ZNF423: variants seen among roughly 807,000 people sequenced by gnomAD.
ZNF423 encodes the protein zinc finger protein 423, also known as Ebf-associated zinc finger protein.
ZNF423 carries 12 observed loss-of-function variants against 95.8 expected under a neutral mutation model. The ratio of observed to expected loss-of-function variants is 0.13; its 90% CI spans 0.08 to 0.20. The LOEUF (loss-of-function observed/expected upper bound fraction) is 0.20, where lower values mean the gene tolerates loss of function less well. ZNF423 is among the 10% of genes least tolerant of loss of function. ZNF423 has a pLI of 1.00. For synonymous variants in ZNF423, 749 were observed against 711.9 expected (o/e 1.05, Z -0.83); for missense variants, 1,316 against 1,737.1 (o/e 0.76, Z 4.31).
At chr16:49,703,065 C>T (rs530153566) in intron 3 of ZNF423, among the ~76,000 whole-genome samples, 6 of 152,324 alleles carry the variant, frequency 3.9e-5, no homozygotes, top group South Asian at 2.1e-4. Context: ...CCAACACAGG[C>T]GCGCAGGCAT....
intron 6 of ZNF423, among the ~76,000 whole-genome samples, chr16:49,524,603 G>C (rs946349970): frequency 3.3e-5 from 5 of 152,342 alleles, no homozygotes; most frequent in African/African-American, 1.2e-4. Context: ...AGTGGCAGGA[G>C]TTCTGAGGTG....
chr16:49,630,794 C>G (rs374467311), intron 4 of ZNF423, among the ~76,000 whole-genome samples: 2 of 152,124 alleles, frequency 1.3e-5, no homozygotes, highest in African/African-American at 4.8e-5. Context: ...GCCTCTCTGC[C>G]ACCCCTTGGT....
intron 5 of ZNF423, among the ~76,000 whole-genome samples, chr16:49,530,320 C>T (rs574278928): frequency 3.3e-5 from 5 of 152,144 alleles, no homozygotes; most frequent in Non-Finnish European, 5.9e-5. Flanking sequence ...ACTCGAGACC[C>T]CCATCTAACA....
chr16:49,504,128 A>G (rs186243040), intron 7 of ZNF423, among the ~76,000 whole-genome samples: 1 of 152,324 alleles, frequency 6.6e-6, no homozygotes, highest in African/African-American at 2.4e-5. Flanking sequence ...GTTTAACAGG[A>G]ACAGAGTTTC....
At chr16:49,836,700 C>G (rs533832821) in intron 1 of ZNF423, among the ~76,000 whole-genome samples, 1 of 152,092 alleles carries the variant, frequency 6.6e-6, no homozygotes, top group Non-Finnish European at 1.5e-5. Flanking sequence ...GAGCCCTGGA[C>G]GCACAATAAC....
rs1966877665 is a variant in ZNF423 at position 49,488,608 on chromosome 16, G to A, written c.*2667C>T. 1 of 152,194 alleles carries A rather than the reference G, an allele frequency of 6.6e-6. No homozygotes were observed. The highest frequency in any genetic ancestry group is 2.4e-5 in the African/African-American group (1 of 41,434). 9.4% of individuals were successfully genotyped at this position (152,194 alleles called of 1,614,324 possible). ...ATCATTGATGACCATGCTGCTTACA[G>A]GTCTCTGTGTGCAGCCCTTTGTCAG... On this transcript the variant is annotated 3_prime_UTR_variant, in exon 8 of 8. Transcript: ENST00000563137.
At position 49,646,574 on chromosome 16, in the gene ZNF423, C is replaced by CTTTTT. The variant is rs71380366; in HGVS notation, c.302-7705_302-7701dup. Among the ~76,000 whole-genome samples, 13 of 118,010 alleles carry CTTTTT rather than the reference C, an allele frequency of 1.1e-4. 1 individual carries two copies. In the South Asian group the frequency reaches 1.1e-3, roughly 10 times the overall value. The allele number at this position is 118,010 out of a possible 152,430, so 77.4% of individuals were successfully genotyped here. ...TTATGGCACATTTTCTTTTCTTTTT[C>CTTTTT]TTTTTTTTTTTTTTGAGAAGGAGTC... On this transcript the variant is annotated intron_variant, in intron 3 of 7. Transcript: ENST00000563137.
At chr16:49,620,386 A>G (rs1207750001) in intron 5 of ZNF423, among the ~76,000 whole-genome samples, 1 of 152,142 alleles carries the variant, frequency 6.6e-6, no homozygotes, top group Non-Finnish European at 1.5e-5. Context: ...GGCAGGAGGC[A>G]GGAGGGGTTG....
At chr16:49,820,050 A>G (rs2034916690) in intron 1 of ZNF423, among the ~76,000 whole-genome samples, 1 of 151,898 alleles carries the variant, frequency 6.6e-6, no homozygotes, top group Admixed American at 6.6e-5. Context: ...GGATGGATGG[A>G]TGGATGGATG....
rs75121420 is a variant in ZNF423, at chr16:49,787,988, T to C, written c.100+1499A>G. Among the ~76,000 whole-genome samples the C allele has an allele frequency of 2.0e-3, 305 of 152,284 alleles. 2 individuals carry two copies. The highest frequency in any genetic ancestry group is 7.0e-3 in the African/African-American group (290 of 41,568). On this transcript the variant is annotated intron_variant, in intron 2 of 7. Transcript: ENST00000563137. ...ATGGCCTTGCTGTTTCCGCCAACCATGGGGAACGCACTCCCCGCACAGAAG... is the reference window on the plus strand; with the variant it reads ...ATGGCCTTGCTGTTTCCGCCAACCACGGGGAACGCACTCCCCGCACAGAAG...
chr16:49,723,877 A>G (rs1270628091), intron 3 of ZNF423, among the ~76,000 whole-genome samples: 1 of 152,054 alleles, frequency 6.6e-6, no homozygotes, highest in Non-Finnish European at 1.5e-5. Flanking sequence ...TTCCAGTTGT[A>G]TTTGGGTCCA....
chr16:49,844,776 G>T (rs532453514), intron 1 of ZNF423, among the ~76,000 whole-genome samples: 30 of 152,114 alleles, frequency 2.0e-4, no homozygotes, highest in Non-Finnish European at 3.4e-4. Flanking sequence ...TGTGGCTCAC[G>T]CCTGTAATCC....
intron 2 of ZNF423, among the ~76,000 whole-genome samples, chr16:49,783,773 C>A (rs2034260423): frequency 6.6e-6 from 1 of 151,898 alleles, no homozygotes; most frequent in African/African-American, 2.4e-5. Context: ...AGATCGAGAT[C>A]ATCCTGGCCA....
chr16:49,600,829 T>A (rs1567495643), intron 5 of ZNF423, among the ~76,000 whole-genome samples: 1 of 152,092 alleles, frequency 6.6e-6, no homozygotes, highest in Non-Finnish European at 1.5e-5. Flanking sequence ...GACTACCACA[T>A]TGCCGAAATA....
chr16:49,635,720 A>C lies in ZNF423; in HGVS notation c.3456T>G (p.Arg1152=). ...GCCCACTGGTCTCCGGCGTGAGGTC[A>C]CGGTGGTCCACCTGCATGTGGCTCT... ...DLESHMQVDH[R]DLTPETSGPR... Residue 1152 remains arginine (R), a synonymous_variant, in exon 4 of 8, where the codon CGT becomes CGG. Transcript: ENST00000563137. The surrounding 1 kb of genome is among the most constrained non-coding windows in gnomAD (Gnocchi z 4.8). 1 of 1,609,436 alleles carries C rather than the reference A, an allele frequency of 6.2e-7. No individual in the cohort carries two copies. The highest frequency in any genetic ancestry group is 8.5e-7 in the Non-Finnish European group (1 of 1,178,572).
intron 5 of ZNF423, among the ~76,000 whole-genome samples, chr16:49,550,679 A>T (rs546092336): frequency 1.3e-5 from 2 of 152,236 alleles, no homozygotes; most frequent in Non-Finnish European, 2.9e-5. Context: ...TAGCGTGGGG[A>T]CATCATTTGT....
chr16:49,776,947 G>T lies in ZNF423; in HGVS notation c.100+12540C>A, dbSNP rs140262048. Among the ~76,000 whole-genome samples, 17 of 152,364 alleles carry T rather than the reference G, an allele frequency of 1.1e-4. No individual in the cohort carries two copies. In the East Asian group the frequency reaches 3.1e-3, roughly 28 times the overall value. ...GCTTTTTCTGCTCATTTGCATGCCT[G>T]GGTGTGGATGAGTGAATGCTGCATA... On this transcript the variant is annotated intron_variant, in intron 2 of 7. Transcript: ENST00000563137.
intron 7 of ZNF423, among the ~76,000 whole-genome samples, chr16:49,519,805 C>G (rs1968314793): frequency 6.6e-6 from 1 of 152,212 alleles, no homozygotes; most frequent in African/African-American, 2.4e-5. Flanking sequence ...AAGTCCTTCA[C>G]TGTCCTGAAA....
chr16:49,744,528 T>C (rs1028797886), intron 2 of ZNF423, among the ~76,000 whole-genome samples: 1 of 147,102 alleles, frequency 6.8e-6, no homozygotes, highest in Non-Finnish European at 1.5e-5. Flanking sequence ...AGCACACATG[T>C]GGCCAGCCAG....
Sources: gnomAD v4.1 joint callset for allele counts (sites outside exome capture counted in the v4.1 genomes callset) on GRCh38, gnomAD v4.1.1 for gene constraint, Gnocchi (gnomAD v3.1) non-coding constraint, MANE v1.5 for transcripts, NCBI Gene and HGNC (gene_info 2026-07-23, HGNC 2026-07-21) for gene names.